TBCE: variants seen among roughly 807,000 people sequenced by gnomAD.
The protein encoded by TBCE is tubulin-specific chaperone E.
Under a neutral mutation model 77.0 loss-of-function variants are expected in TBCE, and 53 were observed. The ratio of observed to expected loss-of-function variants is 0.69; its 90% CI spans 0.55 to 0.87. The LOEUF is 0.87. Among genes scored for constraint, TBCE ranks in the 40% least tolerant of loss-of-function variants. TBCE has a pLI of 0.00. For missense variants in TBCE, 624 were observed against 622.4 expected, an observed-to-expected ratio of 1.00 and a Z score of -0.03; for synonymous variants, 235 against 241.3, an observed-to-expected ratio of 0.97 and a Z score of 0.24.
intron 2 of TBCE, among the ~76,000 whole-genome samples, chr1:235,388,103 C>G (rs1264474103): frequency 6.6e-6 from 1 of 152,020 alleles, no homozygotes. Flanking sequence ...TACTGTGTAC[C>G]AGACACTTGA....
At chr1:235,433,267 C>T in intron 7 of TBCE, 1 of 999,238 alleles carries the variant, frequency 1.0e-6, no homozygotes, top group Non-Finnish European at 1.3e-6. Context: ...GTTGCCTAGG[C>T]TGGAGTGCAG....
chr1:235,390,034 C>A (rs1468806492), intron 2 of TBCE, among the ~76,000 whole-genome samples: 1 of 151,312 alleles, frequency 6.6e-6, no homozygotes, highest in African/African-American at 2.4e-5. Context: ...GCTGAGACAG[C>A]AGAATCGCTT....
chr1:235,437,237 C>T (rs1327684585), intron 11 of TBCE, 85 bp from the exon 12 acceptor site: 3 of 1,547,626 alleles, frequency 1.9e-6, no homozygotes, highest in Non-Finnish European at 2.7e-6. Context: ...GAACTAGGGA[C>T]ATGCTTTCCT....
At chr1:235,429,503 G>C (rs1419426542) in intron 6 of TBCE, 1 of 152,128 alleles carries the variant, frequency 6.6e-6, no homozygotes, top group South Asian at 2.1e-4. Flanking sequence ...GAGAGGAGAG[G>C]TGATATTATT....
intron 2 of TBCE, among the ~76,000 whole-genome samples, chr1:235,381,785 T>C (rs1470361907): frequency 6.6e-6 from 1 of 151,646 alleles, no homozygotes; most frequent in Non-Finnish European, 1.5e-5. Context: ...TTTTCTTTTT[T>C]TTCTTTTTTT....
chr1:235,428,985 A>ATATTT (rs1553338383), intron 6 of TBCE: 6 of 102,334 alleles, frequency 5.9e-5, no homozygotes, highest in African/African-American at 2.8e-4. Context: ...ATATATATAT[A>ATATTT]TTTTTTTTTT....
At chr1:235,427,093 C>T in intron 5 of TBCE, 47 bp from the exon 6 acceptor site, 1 of 1,352,760 alleles carries the variant, frequency 7.4e-7, no homozygotes, top group Non-Finnish European at 1.1e-6. Flanking sequence ...CCTTTTATGT[C>T]TTTTGTGAAT....
chr1:235,404,958 T>C lies in TBCE; in HGVS notation c.185+3371T>C, dbSNP rs541085725. 4.1e-3 allele frequency among the ~76,000 whole-genome samples: 588 copies of C among 144,464 alleles called. 4 individuals carry two copies. Among genetic ancestry groups the C allele is most frequent in the African/African-American group, 0.015 (560 of 38,154 alleles). The allele number at this position is 144,464 out of a possible 152,430, so 94.8% of individuals were successfully genotyped here. A position where few individuals can be genotyped will look rare whatever the true frequency, so the allele number is the denominator to read the frequency against. On this transcript the variant is annotated intron_variant, in intron 3 of 16. Coordinates refer to ENST00000642610, the MANE Select transcript of TBCE (RefSeq NM_003193.5). ...TATAGGCGTGAGCCACCATGCCCGGTACTTTTTTTTTTTTTTTTTTTGGAG... is the reference window on the plus strand; with the variant it reads ...TATAGGCGTGAGCCACCATGCCCGGCACTTTTTTTTTTTTTTTTTTTGGAG...
intron 2 of TBCE, among the ~76,000 whole-genome samples, chr1:235,388,446 A>G (rs1332487047): frequency 5.9e-5 from 9 of 151,376 alleles, no homozygotes; most frequent in South Asian, 2.1e-4. Flanking sequence ...CCACCACCAC[A>G]CCCAGCTAAT....
chr1:235,445,978 T>C (rs1036977026), intron 15 of TBCE, among the ~76,000 whole-genome samples: 1 of 152,158 alleles, frequency 6.6e-6, no homozygotes, highest in Non-Finnish European at 1.5e-5. Flanking sequence ...TAACCACATG[T>C]GGCTATTTAA....
At position 235,439,353 on chromosome 1, in the gene TBCE, G is replaced by A. The variant is rs969069914; in HGVS notation, c.1270+431G>A. 2.9e-4 allele frequency among the ~76,000 whole-genome samples: 43 copies of A among 146,582 alleles called. 1 individual carries two copies. The highest frequency in any genetic ancestry group is 8.5e-4 in the African/African-American group (34 of 39,902). On this transcript the variant is annotated intron_variant, in intron 13 of 16. Coordinates refer to ENST00000642610, the MANE Select transcript of TBCE (RefSeq NM_003193.5). ...AAAAATACAAAAAAAAAAATGAGCC[G>A]GGCGTGGTGGCGGGCACCTGTAGTC...
chr1:235,421,162 A>G (rs1680380209), intron 5 of TBCE, among the ~76,000 whole-genome samples: 1 of 152,202 alleles, frequency 6.6e-6, no homozygotes, highest in Admixed American at 6.5e-5. Flanking sequence ...TAATCTCAGC[A>G]TGGTAATCTC....
At chr1:235,426,546 G>A (rs1572412134) in intron 5 of TBCE, among the ~76,000 whole-genome samples, 1 of 152,154 alleles carries the variant, frequency 6.6e-6, no homozygotes, top group East Asian at 1.9e-4. Flanking sequence ...CTCTCCTTTT[G>A]TTGGATAGTG....
At chr1:235,368,552 CTTTTTTTTTTTTTT>C (rs757168655) in intron 1 of TBCE, among the ~76,000 whole-genome samples, 3 of 49,770 alleles carry the variant, frequency 6.0e-5, no homozygotes, top group African/African-American at 2.8e-4. Context: ...GGACAGCCTG[CTTTTTTTTTTTTTT>C]TTTTTTTTTG....
chr1:235,448,127 GA>G (rs1489003108), intron 15 of TBCE, among the ~76,000 whole-genome samples: 1 of 150,680 alleles, frequency 6.6e-6, no homozygotes, highest in African/African-American at 2.5e-5. Flanking sequence ...TTGAACCCGG[GA>G]AGCGGAGGTT....
At chr1:235,368,098 G>T (rs1200015181) in intron 1 of TBCE, among the ~76,000 whole-genome samples, 1 of 152,078 alleles carries the variant, frequency 6.6e-6, no homozygotes, top group South Asian at 2.1e-4. Flanking sequence ...TAGAGACAGG[G>T]TTTCTCCATG....
At chr1:235,402,411 A>G (rs1289093414) in intron 3 of TBCE, among the ~76,000 whole-genome samples, 2 of 152,018 alleles carry the variant, frequency 1.3e-5, no homozygotes, top group East Asian at 3.9e-4. Flanking sequence ...TGTCAGAAAA[A>G]CTGCATGAAG....
intron 1 of TBCE, among the ~76,000 whole-genome samples, chr1:235,369,007 TA>T (rs1279372147): frequency 6.6e-6 from 1 of 152,212 alleles, no homozygotes; most frequent in Non-Finnish European, 1.5e-5. Context: ...TCTCCACCTT[TA>T]AAATCTGTCC....
chr1:235,399,350 C>G (rs575968735), intron 2 of TBCE, among the ~76,000 whole-genome samples: 1 of 152,140 alleles, frequency 6.6e-6, no homozygotes, highest in African/African-American at 2.4e-5. Context: ...GTTCTCAACT[C>G]CCATACCTCT....
Sources: allele counts gnomAD v4.1 joint callset (sites outside exome capture counted in the v4.1 genomes callset), GRCh38; gene constraint gnomAD v4.1.1; transcripts MANE v1.5; gene names NCBI Gene and HGNC (gene_info 2026-07-23, HGNC 2026-07-21).